The following OPCML variants were observed in gnomAD, a reference collection of about 807,000 sequenced individuals.
OPCML encodes opioid binding protein/cell adhesion molecule like.
OPCML carries 13 observed loss-of-function variants against 37.8 expected under a neutral mutation model. The observed-to-expected ratio is 0.34, with a 90% confidence interval of 0.22 to 0.55. The LOEUF (loss-of-function observed/expected upper bound fraction) is 0.55. Among genes scored for constraint, OPCML ranks in the 20% least tolerant of loss-of-function variants. The pLI is 0.91. For missense variants in OPCML, 341 were observed against 435.6 expected (o/e 0.78, Z 1.93); for synonymous variants, 176 against 168.8 (o/e 1.04, Z -0.33).
chr11:133,204,909 T>TATATACAC (rs1350609719), intron 1 of OPCML, among the ~76,000 whole-genome samples: 12 of 130,682 alleles, frequency 9.2e-5, no homozygotes, highest in Non-Finnish European at 1.6e-4. Context: ...TATATATATA[T>TATATACAC]ACATACACAT....
At chr11:133,407,409 T>C (rs1218443524) in intron 1 of OPCML, among the ~76,000 whole-genome samples, 2 of 152,140 alleles carry the variant, frequency 1.3e-5, no homozygotes, top group Non-Finnish European at 2.9e-5. Flanking sequence ...TGGCATTCCA[T>C]TAGATGCACA....
chr11:132,473,996 C>A (rs1356554932), intron 4 of OPCML, among the ~76,000 whole-genome samples: 1 of 152,114 alleles, frequency 6.6e-6, no homozygotes, highest in Non-Finnish European at 1.5e-5. Context: ...CTTGCCAGGC[C>A]TCAGGTATGT....
intron 1 of OPCML, among the ~76,000 whole-genome samples, chr11:133,366,720 A>T (rs1165188403): frequency 6.6e-6 from 1 of 152,220 alleles, no homozygotes; most frequent in Non-Finnish European, 1.5e-5. Flanking sequence ...TCTTGTTTGT[A>T]ATATTTGGCT....
chr11:133,309,215 C>T (rs189469426), intron 1 of OPCML, among the ~76,000 whole-genome samples: 1 of 152,142 alleles, frequency 6.6e-6, no homozygotes, highest in Non-Finnish European at 1.5e-5. Context: ...AGAATTCTGG[C>T]AGATACTGCA....
intron 1 of OPCML, among the ~76,000 whole-genome samples, chr11:133,183,231 C>G (rs1468545584): frequency 6.6e-6 from 1 of 152,026 alleles, no homozygotes; most frequent in Non-Finnish European, 1.5e-5. Flanking sequence ...TGGATTCTGC[C>G]AAAAGTAAAT....
intron 3 of OPCML, among the ~76,000 whole-genome samples, chr11:132,618,966 C>T (rs879384815): frequency 1.6e-5 from 1 of 62,090 alleles, no homozygotes; most frequent in African/African-American, 1.7e-4. Context: ...CACACACACA[C>T]ACACACACAC....
intron 2 of OPCML, among the ~76,000 whole-genome samples, chr11:132,765,474 G>T (rs57972754): frequency 0.012 from 1,754 of 152,236 alleles, 32 homozygotes; most frequent in African/African-American, 0.039. Context: ...TGTAAATACC[G>T]ATGGCACGGC....
At chr11:133,047,589 G>A (rs963007501) in intron 1 of OPCML, among the ~76,000 whole-genome samples, 5 of 152,044 alleles carry the variant, frequency 3.3e-5, no homozygotes, top group African/African-American at 9.6e-5. Flanking sequence ...GAGGTCTCCC[G>A]CAGCTGTACA....
At chr11:133,417,477 T>TTATG (rs1349700039) in intron 1 of OPCML, among the ~76,000 whole-genome samples, 1 of 151,880 alleles carries the variant, frequency 6.6e-6, no homozygotes, top group Non-Finnish European at 1.5e-5. Flanking sequence ...ATTTATTTAT[T>TTATG]TATTTATTTA....
At chr11:132,957,061 T>C (rs1472539405) in intron 1 of OPCML, among the ~76,000 whole-genome samples, 2 of 151,254 alleles carry the variant, frequency 1.3e-5, no homozygotes, top group East Asian at 1.9e-4. Flanking sequence ...AGTCCAGGAG[T>C]TTGAGGCTGC....
chr11:132,538,513 A>G (rs944341030), intron 3 of OPCML, among the ~76,000 whole-genome samples: 3 of 152,206 alleles, frequency 2.0e-5, no homozygotes, highest in African/African-American at 7.2e-5. Context: ...TGCATATTCT[A>G]AAAGCTCTGA....
At position 132,683,123 on chromosome 11, in the gene OPCML, A is replaced by G. The variant is rs137919770; in HGVS notation, c.147-25804T>C. 1.0e-3 allele frequency among the ~76,000 whole-genome samples: 156 copies of G among 152,362 alleles called. 1 individual carries two copies. In the Middle Eastern group the frequency reaches 0.02, roughly 20 times the overall value. On this transcript the variant is annotated intron_variant, in intron 2 of 7. Transcript: ENST00000524381. ...GAGTATTAAAATACTTGTAAAAAAT[A>G]TAAAAGCAAGACCGAGTGTGGTGGC...
chr11:132,781,959 T>A (rs865799370), intron 2 of OPCML, among the ~76,000 whole-genome samples: 4,736 of 135,136 alleles, frequency 0.035, 61 homozygotes, highest in Non-Finnish European at 0.042. Flanking sequence ...TATATATTTT[T>A]TTTTTTTTTT....
At chr11:132,556,279 A>G (rs968724970) in intron 3 of OPCML, among the ~76,000 whole-genome samples, 6 of 152,304 alleles carry the variant, frequency 3.9e-5, no homozygotes, top group Non-Finnish European at 5.9e-5. Flanking sequence ...GAACCAGAAC[A>G]TATTAATTCT....
intron 1 of OPCML, chr11:133,300,039 C>G (rs1942740564): frequency 6.6e-6 from 1 of 152,170 alleles, no homozygotes; most frequent in South Asian, 2.1e-4. Context: ...TTTCAGTGAG[C>G]TCACAGTCAA....
Position 133,497,600 on chromosome 11 carries a change from G to A in OPCML, c.61+34664C>T, listed in dbSNP as rs191196952. Among the ~76,000 whole-genome samples the A allele has an allele frequency of 7.1e-4, 108 of 152,046 alleles. 5 individuals carry two copies. In the East Asian group the frequency reaches 0.019, roughly 27 times the overall value. ...GTGAAAGTGAGATTTTGGTCACGTC[G>A]CTCTTGTTAACAGCATTTCTCCTTT... On this transcript the variant is annotated intron_variant, in intron 1 of 7. Coordinates refer to ENST00000524381, the MANE Select transcript of OPCML (RefSeq NM_001012393.5).
At chr11:132,997,875 T>G (rs1946916342) in intron 1 of OPCML, among the ~76,000 whole-genome samples, 1 of 152,220 alleles carries the variant, frequency 6.6e-6, no homozygotes, top group South Asian at 2.1e-4. Context: ...ACACACTTTC[T>G]ATCCTTAGAT....
intron 1 of OPCML, among the ~76,000 whole-genome samples, chr11:133,079,554 A>G (rs1438235577): frequency 1.3e-5 from 2 of 152,148 alleles, no homozygotes; most frequent in Non-Finnish European, 2.9e-5. Flanking sequence ...AGTACTCTAC[A>G]CTTGTTCTGG....
Position 133,306,835 on chromosome 11 carries a change from C to T in OPCML, c.61+225429G>A, listed in dbSNP as rs138525643. Among the ~76,000 whole-genome samples, 11 of 152,246 alleles carry T rather than the reference C, an allele frequency of 7.2e-5. No individual in the cohort carries two copies. In the East Asian group the frequency reaches 2.1e-3, roughly 29 times the overall value. On this transcript the variant is annotated intron_variant, in intron 1 of 7. Transcript: ENST00000524381. ...TCATGCCTAGCAAAAATTTTCCATG[C>T]CAGAATCTGATTCTGTTTCTTCTTC...
Sources: gnomAD v4.1 joint callset for allele counts (sites outside exome capture counted in the v4.1 genomes callset) on GRCh38, gnomAD v4.1.1 for gene constraint, MANE v1.5 for transcripts, NCBI Gene and HGNC (gene_info 2026-07-23, HGNC 2026-07-21) for gene names.